The following SORCS3 variants were observed in gnomAD, a reference collection of about 807,000 sequenced individuals.
The protein encoded by SORCS3 is VPS10 domain-containing receptor SorCS3.
SORCS3 carries 57 observed loss-of-function variants against 146.3 expected under a neutral mutation model. The ratio of observed to expected loss-of-function variants is 0.39; its 90% confidence interval spans 0.31 to 0.49. SORCS3 has a LOEUF of 0.49. Ranked by LOEUF, SORCS3 falls within the 20% of genes least tolerant of loss-of-function variation. SORCS3 has a pLI of 0.92. For missense variants in SORCS3, 1,341 were observed against 1,575.5 expected (o/e 0.85, Z 2.52); for synonymous variants, 653 against 618.5 (o/e 1.06, Z -0.83).
chr10:104,736,529 A>G (rs2016774903), intron 1 of SORCS3, among the ~76,000 whole-genome samples: 1 of 152,210 alleles, frequency 6.6e-6, no homozygotes, highest in Non-Finnish European at 1.5e-5. Flanking sequence ...TTAAATTGAC[A>G]TCAATGAATT....
chr10:104,881,673 T>C lies in SORCS3; in HGVS notation c.696-34160T>C, dbSNP rs146012535. ...ATTTAAATATAGACAAGCACACACA[T>C]GGGCAGCTATAAAGGCAGAGACTTT... is the stretch of plus-strand genomic sequence containing the variant. On this transcript the variant is annotated intron_variant, in intron 2 of 26. Coordinates refer to ENST00000369701, the MANE Select transcript of SORCS3 (RefSeq NM_014978.3). Among the ~76,000 whole-genome samples the C allele has an allele frequency of 1.1e-4, 16 of 152,250 alleles. No individual in the cohort carries two copies. In the East Asian group the frequency reaches 3.1e-3, roughly 29 times the overall value.
intron 7 of SORCS3, among the ~76,000 whole-genome samples, chr10:105,120,079 G>T (rs935809886): frequency 6.6e-6 from 1 of 152,148 alleles, no homozygotes; most frequent in African/African-American, 2.4e-5. Flanking sequence ...TTATGGTGGA[G>T]ACCTGGTGGG....
intron 1 of SORCS3, among the ~76,000 whole-genome samples, chr10:104,691,023 T>TTAGGACAGTGTCCAGGGGGA (rs1346481547): frequency 2.2e-4 from 33 of 152,198 alleles, no homozygotes; most frequent in Admixed American, 2.2e-3. Context: ...ATTGCATACT[T>TTAGGACAGTGTCCAGGGGGA]TAGGACAGTG....
intron 1 of SORCS3, among the ~76,000 whole-genome samples, chr10:104,668,822 G>T (rs754077006): frequency 2.0e-5 from 3 of 152,230 alleles, no homozygotes; most frequent in South Asian, 2.1e-4. Flanking sequence ...AGTCTAGGAA[G>T]AATAACTCTT....
chr10:105,163,938 C>G (rs1485409753), intron 11 of SORCS3, among the ~76,000 whole-genome samples: 1 of 149,698 alleles, frequency 6.7e-6, no homozygotes, highest in African/African-American at 2.4e-5. Flanking sequence ...TTCTCAGGCT[C>G]CTATGCCAGA....
chr10:104,984,110 A>G (rs187842445), intron 4 of SORCS3, among the ~76,000 whole-genome samples: 2 of 152,298 alleles, frequency 1.3e-5, no homozygotes, highest in East Asian at 1.9e-4. Context: ...TTTCATGCAG[A>G]CAAACTAGGA....
At chr10:104,997,933 C>G (rs1049340153) in intron 4 of SORCS3, among the ~76,000 whole-genome samples, 10 of 151,986 alleles carry the variant, frequency 6.6e-5, no homozygotes. Context: ...CCTTAGGGAC[C>G]CAGTAAAGTT....
At chr10:104,751,897 T>C (rs2016987889) in intron 1 of SORCS3, among the ~76,000 whole-genome samples, 1 of 113,974 alleles carries the variant, frequency 8.8e-6, no homozygotes, top group Non-Finnish European at 1.8e-5. Context: ...ATATGCTCAC[T>C]TAAAAAATGT....
intron 1 of SORCS3, among the ~76,000 whole-genome samples, chr10:104,825,208 G>A (rs1365131574): frequency 6.6e-6 from 1 of 152,166 alleles, no homozygotes; most frequent in African/African-American, 2.4e-5. Context: ...CAGGGAAAAA[G>A]GAAGGAACCT....
rs954833868 is a variant in SORCS3, at chr10:105,264,987, G to T, written c.*1613G>T. On this transcript the variant is annotated 3_prime_UTR_variant, in exon 27 of 27. Coordinates refer to ENST00000369701, the MANE Select transcript of SORCS3 (RefSeq NM_014978.3). The stretch of plus-strand genomic sequence containing the variant: ...AGAGAATGTGATATAGAGAAATCTG[G>T]CTGGCTACAGTGTAGATCAGTATTA... 2 of 152,552 alleles carry T rather than the reference G, an allele frequency of 1.3e-5. No individual in the cohort carries two copies. Among genetic ancestry groups the T allele is most frequent in the Non-Finnish European group, 2.9e-5 (2 of 68,022 alleles). 9.4% of individuals were successfully genotyped at this position (152,552 alleles called of 1,614,324 possible). A position where few individuals can be genotyped will look rare whatever the true frequency, so the allele number is the denominator to read the frequency against.
chr10:105,157,057 C>A (rs1034476693), intron 9 of SORCS3, 81 bp from the exon 10 acceptor site: 83 of 1,512,398 alleles, frequency 5.5e-5, no homozygotes, highest in Non-Finnish European at 7.4e-5. Context: ...GTGGGAAATT[C>A]TGCGGCTTCT....
chr10:104,665,390 G>A (rs1171762620), intron 1 of SORCS3: 2 of 152,210 alleles, frequency 1.3e-5, no homozygotes, highest in African/African-American at 4.8e-5. Flanking sequence ...GGCTCCCAGA[G>A]CCTCCTGTAG....
intron 1 of SORCS3, among the ~76,000 whole-genome samples, chr10:104,646,346 G>A (rs762433811): frequency 3.9e-5 from 6 of 152,216 alleles, no homozygotes; most frequent in Non-Finnish European, 5.9e-5. Flanking sequence ...AGGAATGCCC[G>A]GGAGTGGCTT....
chr10:105,190,409 GTTA>G, intron 14 of SORCS3, among the ~76,000 whole-genome samples: 1 of 151,854 alleles, frequency 6.6e-6, no homozygotes, highest in South Asian at 2.1e-4. Flanking sequence ...AATATTAATT[GTTA>G]TTATTATTTT....
intron 1 of SORCS3, among the ~76,000 whole-genome samples, chr10:104,652,951 G>A (rs1043111772): frequency 6.6e-6 from 1 of 152,220 alleles, no homozygotes; most frequent in Non-Finnish European, 1.5e-5. Context: ...GTGTGAGATA[G>A]CATAAGACAT....
At chr10:104,743,447 A>G (rs943307467) in intron 1 of SORCS3, among the ~76,000 whole-genome samples, 7 of 152,274 alleles carry the variant, frequency 4.6e-5, no homozygotes, top group East Asian at 3.9e-4. Context: ...CTTTGTCCAC[A>G]TGGTTTCTCG....
intron 20 of SORCS3, among the ~76,000 whole-genome samples, chr10:105,228,022 TG>T (rs1290032671): frequency 6.6e-6 from 1 of 151,054 alleles, no homozygotes; most frequent in East Asian, 1.9e-4. Context: ...TGTGTGTGTG[TG>T]TGTGTGTGTG....
rs115868676 is a variant in SORCS3, at chr10:105,246,052, G to T, written c.2992+387G>T. 4.2e-3 allele frequency among the ~76,000 whole-genome samples: 647 copies of T among 152,258 alleles called. 4 individuals are homozygous for T. The highest frequency in any genetic ancestry group is 0.015 in the African/African-American group (632 of 41,552). On this transcript the variant is annotated intron_variant, in intron 21 of 26. Coordinates refer to ENST00000369701, the MANE Select transcript of SORCS3 (RefSeq NM_014978.3). The stretch of plus-strand genomic sequence containing the variant: ...TGATCCCTGCCTTGTAGGACTCATT[G>T]CTCAGTTAATGAGATGATCTCTATT...
intron 9 of SORCS3, 49 bp downstream of exon 9, chr10:105,147,845 G>T: frequency 6.6e-7 from 1 of 1,509,612 alleles, no homozygotes; most frequent in Non-Finnish European, 9.1e-7. Flanking sequence ...TCTTTTTCCT[G>T]AGTTTTAATG....
Sources: allele counts gnomAD v4.1 joint callset (sites outside exome capture counted in the v4.1 genomes callset), GRCh38; gene constraint gnomAD v4.1.1; transcripts MANE v1.5; gene names NCBI Gene and HGNC (gene_info 2026-07-23, HGNC 2026-07-21).